Variants in SH3BGRL observed in about 807,000 individuals in gnomAD.
SH3BGRL encodes the protein adapter SH3BGRL.
A neutral mutation model predicts 9.8 loss-of-function variants in SH3BGRL; 7 were observed. The observed-to-expected ratio is 0.72, with a 90% CI of 0.41 to 1.35. The LOEUF (loss-of-function observed/expected upper bound fraction) is 1.35. Among genes scored for constraint, SH3BGRL ranks in the 40% most tolerant of loss-of-function variants. The probability of loss-of-function intolerance (pLI) is 0.01; values close to 1 mark genes in which losing one functional copy is unlikely to be tolerated. For missense variants in SH3BGRL, 73 were observed against 84.4 expected, an observed-to-expected ratio of 0.86 and a Z score of 0.53; for synonymous variants, 36 against 29.1, an observed-to-expected ratio of 1.24 and a Z score of -0.76.
In SH3BGRL at chrX:81,294,543, G is replaced by A. The variant is rs1276806474; in HGVS notation, c.313-2652G>A. Among the ~76,000 whole-genome samples the A allele has an allele frequency of 5.5e-5, 6 of 110,082 alleles. No homozygotes were observed. The Admixed American group carries it at 5.8e-4, about 11-fold the overall frequency. ...TTCAGAGGATGTATGGAAATGCCTC[G>A]ATATCCAAGCAGAAGTTTGCTGCAG... On this transcript the variant is annotated intron_variant, in intron 3 of 3. Coordinates refer to ENST00000373212, the MANE Select transcript of SH3BGRL (RefSeq NM_003022.3).
chrX:81,212,252 A>C (rs939663783), intron 1 of SH3BGRL, among the ~76,000 whole-genome samples: 1 of 111,240 alleles, frequency 9.0e-6, no homozygotes, highest in Non-Finnish European at 1.9e-5. Context: ...AAATAAAAAA[A>C]AAAGAATAAA....
At chrX:81,252,736 C>A in intron 1 of SH3BGRL, among the ~76,000 whole-genome samples, 1 of 112,386 alleles carries the variant, frequency 8.9e-6, no homozygotes, top group Non-Finnish European at 1.9e-5. Context: ...GTTGGACTAG[C>A]TTGTTTTAGT....
chrX:81,287,238 C>T (rs2075837937), intron 3 of SH3BGRL, among the ~76,000 whole-genome samples: 1 of 111,211 alleles, frequency 9.0e-6, no homozygotes, highest in African/African-American at 3.3e-5. Context: ...TTTAGCCAGA[C>T]TAAGAAAAAA....
At chrX:81,232,382 ATAG>A (rs746598019) in intron 1 of SH3BGRL, among the ~76,000 whole-genome samples, 16 of 107,841 alleles carry the variant, frequency 1.5e-4, no homozygotes, top group East Asian at 8.7e-4. Context: ...AAATAAATAA[ATAG>A]TAGTGAATTA....
At chrX:81,295,530 G>A (rs907610898) in intron 3 of SH3BGRL, among the ~76,000 whole-genome samples, 10 of 111,108 alleles carry the variant, frequency 9.0e-5, no homozygotes, top group African/African-American at 2.9e-4. Flanking sequence ...TTTCTCCCTC[G>A]TCTTGGGTAT....
intron 1 of SH3BGRL, among the ~76,000 whole-genome samples, chrX:81,271,521 T>C (rs2075779671): frequency 8.9e-6 from 1 of 112,011 alleles, no homozygotes; most frequent in Non-Finnish European, 1.9e-5. Flanking sequence ...AAATTCTTAT[T>C]AGACATTTTA....
chrX:81,283,161 G>T (rs747654112), intron 3 of SH3BGRL, among the ~76,000 whole-genome samples: 1 of 111,713 alleles, frequency 9.0e-6, no homozygotes, highest in African/African-American at 3.2e-5. Context: ...CAGGCATCAA[G>T]ATTGAAATGG....
intron 1 of SH3BGRL, among the ~76,000 whole-genome samples, chrX:81,240,758 A>G (rs375626491): frequency 8.3e-4 from 94 of 112,814 alleles, no homozygotes; most frequent in African/African-American, 3.0e-3. Flanking sequence ...AAAAAGAACA[A>G]AACTGGAGGA....
intron 1 of SH3BGRL, among the ~76,000 whole-genome samples, chrX:81,228,380 G>A (rs987780742): frequency 1.8e-5 from 2 of 111,896 alleles, no homozygotes; most frequent in African/African-American, 6.5e-5. Context: ...TTTCTGATTG[G>A]CAATTGATTG....
At chrX:81,246,547 CATTTAT>C (rs1451823261) in intron 1 of SH3BGRL, among the ~76,000 whole-genome samples, 1 of 111,784 alleles carries the variant, frequency 8.9e-6, no homozygotes, top group Non-Finnish European at 1.9e-5. Context: ...ATCCCAGAAA[CATTTAT>C]TGAATAGGAA....
intron 1 of SH3BGRL, among the ~76,000 whole-genome samples, chrX:81,222,800 G>T (rs941598169): frequency 9.0e-6 from 1 of 111,656 alleles, no homozygotes; most frequent in East Asian, 2.8e-4. Context: ...CAGTGTAAAA[G>T]TGTTCCTATT....
At chrX:81,261,503 T>C (rs1245269391) in intron 1 of SH3BGRL, among the ~76,000 whole-genome samples, 2 of 111,167 alleles carry the variant, frequency 1.8e-5, no homozygotes, top group Admixed American at 9.6e-5. Context: ...GCCTAAAGTG[T>C]CTCTCTGTGA....
intron 1 of SH3BGRL, among the ~76,000 whole-genome samples, chrX:81,226,712 G>T (rs990121219): frequency 3.7e-5 from 4 of 108,514 alleles, no homozygotes; most frequent in African/African-American, 1.0e-4. Flanking sequence ...TGACATAAAG[G>T]GAAATAGGAG....
At chrX:81,273,613 C>T (rs938630928) in intron 1 of SH3BGRL, among the ~76,000 whole-genome samples, 2 of 104,179 alleles carry the variant, frequency 1.9e-5, no homozygotes, top group African/African-American at 3.5e-5. Context: ...AGAGGTTGAT[C>T]ATTAAAAAAG....
At chrX:81,293,174 G>T (rs1252399573) in intron 3 of SH3BGRL, among the ~76,000 whole-genome samples, 1 of 112,051 alleles carries the variant, frequency 8.9e-6, no homozygotes, top group Middle Eastern at 4.7e-3. Context: ...TTCTGCTTTT[G>T]CATCTTTCTC....
At chrX:81,268,385 C>G (rs1251513493) in intron 1 of SH3BGRL, among the ~76,000 whole-genome samples, 3 of 112,043 alleles carry the variant, frequency 2.7e-5, no homozygotes, top group African/African-American at 9.7e-5. Context: ...CTACACACTG[C>G]TTTAAATGTG....
chrX:81,244,001 A>T (rs2075680197), intron 1 of SH3BGRL, among the ~76,000 whole-genome samples: 1 of 112,103 alleles, frequency 8.9e-6, no homozygotes, highest in African/African-American at 3.2e-5. Flanking sequence ...AGTAATAATG[A>T]CAACTGACAT....
intron 1 of SH3BGRL, among the ~76,000 whole-genome samples, chrX:81,238,036 G>A (rs2075653964): frequency 1.8e-5 from 2 of 108,780 alleles, no homozygotes; most frequent in African/African-American, 3.4e-5. Context: ...AATCTTGGCA[G>A]CATCCATCAT....
chrX:81,267,603 G>T (rs1457835435), intron 1 of SH3BGRL, among the ~76,000 whole-genome samples: 1 of 111,459 alleles, frequency 9.0e-6, no homozygotes. Context: ...GCTGGATTCG[G>T]TTTGCCAGTA....
Sources: allele counts gnomAD v4.1 joint callset (sites outside exome capture counted in the v4.1 genomes callset), GRCh38; gene constraint gnomAD v4.1.1; transcripts MANE v1.5; gene names NCBI Gene and HGNC (gene_info 2026-07-23, HGNC 2026-07-21).